The following RBFOX1 variants were observed in gnomAD, a reference collection of about 807,000 sequenced individuals.
The protein encoded by RBFOX1 is RNA binding fox-1 homolog 1.
Under a neutral mutation model 57.7 loss-of-function variants are expected in RBFOX1, and 8 were observed. That is an observed-to-expected ratio of 0.14 (90% CI 0.08 to 0.25). RBFOX1 has a LOEUF of 0.25. RBFOX1 is among the 10% of genes least tolerant of loss of function. RBFOX1 has a pLI of 1.00. For missense variants in RBFOX1, 611 were observed against 548.5 expected, an observed-to-expected ratio of 1.11 and a Z score of -1.14; for synonymous variants, 326 against 222.4, an observed-to-expected ratio of 1.47 and a Z score of -4.15.
intron 5 of RBFOX1, among the ~76,000 whole-genome samples, chr16:7,519,185 A>C (rs1199122931): frequency 6.6e-6 from 1 of 152,114 alleles, no homozygotes; most frequent in African/African-American, 2.4e-5. Flanking sequence ...CTAAATACAA[A>C]TCTTGTGCCC....
At chr16:6,914,859 A>T (rs1306718901) in intron 3 of RBFOX1, among the ~76,000 whole-genome samples, 1 of 152,210 alleles carries the variant, frequency 6.6e-6, no homozygotes, top group Admixed American at 6.5e-5. Context: ...TTGTGTTCCA[A>T]GCTGGGCAAC....
Position 5,944,790 on chromosome 16 carries a change from TAA to T in RBFOX1, c.351+77473_351+77474del, listed in dbSNP as rs60749168. Among the ~76,000 whole-genome samples the T allele has an allele frequency of 1.5e-3, 61 of 41,246 alleles. 10 individuals are homozygous for T. The highest frequency in any genetic ancestry group is 0.053 in the Middle Eastern group (2 of 38). 27.1% of individuals were successfully genotyped at this position (41,246 alleles called of 152,430 possible). ...CAACTTGGTGAAACCCTGTCTCTGC[TAA>T]AAAAAAAAAAAAAAAAATTAGCTGG... On this transcript the variant is annotated intron_variant, in intron 4 of 19. Coordinates refer to the RBFOX1 transcript ENST00000641259.
intron 4 of RBFOX1, among the ~76,000 whole-genome samples, chr16:5,970,264 T>C (rs1373102150): frequency 6.6e-6 from 1 of 152,208 alleles, no homozygotes; most frequent in African/African-American, 2.4e-5. Context: ...TTACTCATTT[T>C]GTTCTGGTTA....
intron 3 of RBFOX1, among the ~76,000 whole-genome samples, chr16:6,905,247 T>TA (rs200217405): frequency 3.1e-4 from 47 of 149,742 alleles, no homozygotes; most frequent in East Asian, 5.9e-4. Context: ...TGTAACTGTT[T>TA]AAAAAAAAAA....
intron 3 of RBFOX1, among the ~76,000 whole-genome samples, chr16:6,888,391 G>T (rs139007460): frequency 1.7e-4 from 26 of 152,252 alleles, no homozygotes; most frequent in African/African-American, 6.0e-4. Flanking sequence ...CAAACTTGGA[G>T]GAGAAAGAGC....
At chr16:6,573,452 CAGATCATAATCAGG>C (rs1371414827) in intron 2 of RBFOX1, among the ~76,000 whole-genome samples, 1 of 152,186 alleles carries the variant, frequency 6.6e-6, no homozygotes, top group Non-Finnish European at 1.5e-5. Context: ...GCCATTCACT[CAGATCATAATCAGG>C]GAGCCTGCTG....
intron 4 of RBFOX1, among the ~76,000 whole-genome samples, chr16:7,115,527 C>A (rs1262212179): frequency 1.3e-5 from 2 of 152,170 alleles, no homozygotes; most frequent in Non-Finnish European, 2.9e-5. Flanking sequence ...AGTGTCAAGG[C>A]TCTCTTTGAG....
At chr16:7,279,744 A>G (rs897925248) in intron 4 of RBFOX1, among the ~76,000 whole-genome samples, 8 of 152,226 alleles carry the variant, frequency 5.3e-5, no homozygotes, top group Non-Finnish European at 1.0e-4. Context: ...CCTGACCTGA[A>G]TGAGTGCTTC....
chr16:6,298,466 T>C (rs1174600199), intron 1 of RBFOX1, among the ~76,000 whole-genome samples: 2 of 152,220 alleles, frequency 1.3e-5, no homozygotes, highest in Non-Finnish European at 2.9e-5. Flanking sequence ...TTTGACAAAG[T>C]GTGCTTTGTT....
At position 6,799,514 on chromosome 16, in the gene RBFOX1, A is replaced by C. The variant is rs2084863394; in HGVS notation, c.-16+144864A>C. 2.6e-5 allele frequency among the ~76,000 whole-genome samples: 4 copies of C among 152,042 alleles called. No individual in the cohort carries two copies. The South Asian group carries it at 8.3e-4, about 32-fold the overall frequency. ...TGATTGGATTGAAGGATGCCTAGAG[A>C]GCTGGTGAACTATTGTTTCTGGGTA... On this transcript the variant is annotated intron_variant, in intron 3 of 15. Transcript: ENST00000550418.
At chr16:7,136,792 G>T (rs2072134497) in intron 4 of RBFOX1, among the ~76,000 whole-genome samples, 1 of 152,192 alleles carries the variant, frequency 6.6e-6, no homozygotes, top group Admixed American at 6.5e-5. Flanking sequence ...TATTAACCAG[G>T]GCATTCTAAA....
intron 1 of RBFOX1, among the ~76,000 whole-genome samples, chr16:5,386,440 T>C (rs958488387): frequency 6.6e-6 from 1 of 152,132 alleles, no homozygotes; most frequent in African/African-American, 2.4e-5. Context: ...GGGCTGTTCC[T>C]AGTGCTCCAG....
intron 3 of RBFOX1, among the ~76,000 whole-genome samples, chr16:6,780,123 ATATATATT>A (rs1490070569): frequency 2.1e-5 from 1 of 46,532 alleles, no homozygotes; most frequent in Non-Finnish European, 3.1e-5. Context: ...ATATATTTAT[ATATATATT>A]TATATATTTA....
intron 4 of RBFOX1, among the ~76,000 whole-genome samples, chr16:7,185,675 A>C: frequency 6.6e-6 from 1 of 152,184 alleles, no homozygotes. Context: ...AGGCCTAGTT[A>C]TGCGGTTTAT....
intron 3 of RBFOX1, among the ~76,000 whole-genome samples, chr16:6,885,506 A>T (rs569845840): frequency 6.6e-6 from 1 of 151,882 alleles, no homozygotes; most frequent in Non-Finnish European, 1.5e-5. Flanking sequence ...TGGTGCATTA[A>T]ATCTACTTCT....
intron 1 of RBFOX1, among the ~76,000 whole-genome samples, chr16:5,337,550 G>A (rs560081404): frequency 7.9e-5 from 12 of 152,104 alleles, no homozygotes; most frequent in Admixed American, 3.3e-4. Context: ...CTACTTCCTC[G>A]AACAATATAT....
At chr16:7,079,953 G>A (rs142768030) in intron 4 of RBFOX1, among the ~76,000 whole-genome samples, 339 of 150,330 alleles carry the variant, frequency 2.3e-3, no homozygotes, top group African/African-American at 8.0e-3. Context: ...TGTACTTAAT[G>A]CAGCTGAACT....
chr16:6,516,189 T>G (rs1048751149), intron 2 of RBFOX1, among the ~76,000 whole-genome samples: 6 of 152,134 alleles, frequency 3.9e-5, no homozygotes, highest in African/African-American at 1.4e-4. Context: ...CCACCATGCC[T>G]GGCTAATACT....
chr16:6,812,088 C>A (rs557343125), intron 3 of RBFOX1, among the ~76,000 whole-genome samples: 25 of 152,174 alleles, frequency 1.6e-4, no homozygotes, highest in Admixed American at 1.4e-3. Flanking sequence ...TATCAGACTC[C>A]ATATGATGAA....
Sources: gnomAD v4.1 joint callset for allele counts (sites outside exome capture counted in the v4.1 genomes callset) on GRCh38, gnomAD v4.1.1 for gene constraint, MANE v1.5 for transcripts, NCBI Gene and HGNC (gene_info 2026-07-23, HGNC 2026-07-21) for gene names.